The following TAMM41 variants were observed in gnomAD, a reference collection of about 807,000 sequenced individuals.
TAMM41 encodes the protein TAM41 mitochondrial translocator assembly and maintenance homolog.
A neutral mutation model predicts 44.1 loss-of-function variants in TAMM41; 36 were observed. The observed-to-expected ratio is 0.82, with a 90% CI of 0.63 to 1.08. The LOEUF is 1.08. TAMM41 is among the 50% of genes least tolerant of loss of function. The pLI, the probability that TAMM41 is intolerant of heterozygous loss-of-function variation, is 0.00. For missense variants in TAMM41, 417 were observed against 404.3 expected (o/e 1.03, Z -0.27); for synonymous variants, 164 against 153.1 (o/e 1.07, Z -0.53).
At chr3:11,794,038 C>T (rs542490349) in intron 7 of TAMM41, among the ~76,000 whole-genome samples, 1 of 152,294 alleles carries the variant, frequency 6.6e-6, no homozygotes, top group East Asian at 1.9e-4. Flanking sequence ...AAGCAAGACA[C>T]TGAACTAGTT....
chr3:11,780,832 C>T, the TAMM41 span, among the ~76,000 whole-genome samples: 5 of 152,188 alleles, frequency 3.3e-5, no homozygotes, highest in Non-Finnish European at 7.3e-5. Context: ...AGGGCTCCAG[C>T]TCTTGGTATG....
rs1030433617 is a variant in TAMM41, at chr3:11,798,764, A to G, written c.938-8183T>C. On this transcript the variant is annotated intron_variant, in intron 7 of 7. Transcript: ENST00000455809. The stretch of plus-strand genomic sequence containing the variant: ...CAGTCACTCGGTGCCTGTCACTGTT[A>G]GTTTACTCCAGCTGGAGACCTGGGC... Among the ~76,000 whole-genome samples, 6 of 152,310 alleles carry G rather than the reference A, an allele frequency of 3.9e-5. 1 individual carries two copies. The highest frequency in any genetic ancestry group is 2.1e-4 in the South Asian group (1 of 4,826).
chr3:11,769,355 ATTTTT>A, the TAMM41 span, among the ~76,000 whole-genome samples: 23 of 132,884 alleles, frequency 1.7e-4, no homozygotes, highest in African/African-American at 5.4e-4. Flanking sequence ...CTCCCAAGAG[ATTTTT>A]TTTTTTTTTT....
chr3:11,841,505 T>A (rs1178543959), intron 2 of TAMM41, among the ~76,000 whole-genome samples: 1 of 152,178 alleles, frequency 6.6e-6, no homozygotes, highest in African/African-American at 2.4e-5. Context: ...CAAACAGCCT[T>A]CTCAGGCTGC....
At chr3:11,814,739 G>T (rs1349012414) in intron 5 of TAMM41, among the ~76,000 whole-genome samples, 2 of 152,210 alleles carry the variant, frequency 1.3e-5, no homozygotes, top group Non-Finnish European at 2.9e-5. Flanking sequence ...AAGGTGGGAG[G>T]ATGGCTTGAG....
At chr3:11,752,976 T>G in the TAMM41 span, among the ~76,000 whole-genome samples, 1 of 151,428 alleles carries the variant, frequency 6.6e-6, no homozygotes, top group African/African-American at 2.4e-5. Context: ...TATATCACAG[T>G]GGGGGATGTT....
the TAMM41 span, among the ~76,000 whole-genome samples, chr3:11,758,292 A>G: frequency 6.6e-6 from 1 of 152,188 alleles, no homozygotes; most frequent in African/African-American, 2.4e-5. Flanking sequence ...CAATGGAGAC[A>G]TTCCAGGATT....
At chr3:11,791,089 G>C (rs1420816430) in intron 7 of TAMM41, among the ~76,000 whole-genome samples, 1 of 152,184 alleles carries the variant, frequency 6.6e-6, no homozygotes, top group Non-Finnish European at 1.5e-5. Context: ...GGACCCACAG[G>C]GTGGCCCCAC....
chr3:11,767,802 T>C, the TAMM41 span, among the ~76,000 whole-genome samples: 4 of 151,086 alleles, frequency 2.6e-5, no homozygotes, highest in African/African-American at 9.7e-5. Context: ...ATTTTTGAAT[T>C]TTAGTAGAGA....
intron 7 of TAMM41, among the ~76,000 whole-genome samples, chr3:11,795,532 C>T (rs1036703020): frequency 1.3e-5 from 2 of 152,214 alleles, no homozygotes; most frequent in Non-Finnish European, 2.9e-5. Flanking sequence ...GTCTCCCTCG[C>T]AATAGGTTTA....
chr3:11,824,737 G>A (rs1342340352), intron 4 of TAMM41, among the ~76,000 whole-genome samples: 1 of 152,158 alleles, frequency 6.6e-6, no homozygotes, highest in Non-Finnish European at 1.5e-5. Flanking sequence ...ACTATTGGAA[G>A]CATCCAAACA....
chr3:11,777,276 A>T, the TAMM41 span, among the ~76,000 whole-genome samples: 1 of 152,198 alleles, frequency 6.6e-6, no homozygotes, highest in Non-Finnish European at 1.5e-5. Context: ...CTATACTTCA[A>T]TAAAGCCGGA....
At chr3:11,734,553 TAGAA>T in the TAMM41 span, among the ~76,000 whole-genome samples, 2 of 152,096 alleles carry the variant, frequency 1.3e-5, no homozygotes, top group African/African-American at 2.4e-5. Context: ...ACTCCTCTAT[TAGAA>T]AGAATGTTTG....
At chr3:11,736,842 G>A in the TAMM41 span, among the ~76,000 whole-genome samples, 1 of 152,080 alleles carries the variant, frequency 6.6e-6, no homozygotes, top group Non-Finnish European at 1.5e-5. Flanking sequence ...CTGTAGACTT[G>A]GTCTACAGAA....
chr3:11,785,869 T>C (rs2077413750), downstream of TAMM41, among the ~76,000 whole-genome samples: 2 of 152,076 alleles, frequency 1.3e-5, no homozygotes, highest in African/African-American at 4.8e-5. Context: ...TCCACCCACC[T>C]TGGCCTCCCA....
At chr3:11,767,672 C>G in the TAMM41 span, among the ~76,000 whole-genome samples, 1 of 99,302 alleles carries the variant, frequency 1.0e-5, no homozygotes, top group Non-Finnish European at 1.9e-5. Flanking sequence ...TTTGCCCAGG[C>G]TGGAGTGCAG....
chr3:11,834,908 G>A (rs6770066), intron 3 of TAMM41, among the ~76,000 whole-genome samples: 3,035 of 152,096 alleles, frequency 0.02, 86 homozygotes, highest in African/African-American at 0.069. Context: ...GGCTGGTCTC[G>A]AACTCCTGAC....
chr3:11,734,607 A>G, the TAMM41 span, among the ~76,000 whole-genome samples: 1 of 152,174 alleles, frequency 6.6e-6, no homozygotes, highest in African/African-American at 2.4e-5. Context: ...TATTACATGC[A>G]GCTACTCATT....
intron 6 of TAMM41, chr3:11,808,174 T>C: frequency 4.1e-6 from 4 of 984,776 alleles, no homozygotes; most frequent in Non-Finnish European, 5.3e-6. Context: ...ATGGGTTAGC[T>C]GACCCTCAAA....
Sources: allele counts gnomAD v4.1 joint callset (sites outside exome capture counted in the v4.1 genomes callset), GRCh38; gene constraint gnomAD v4.1.1; transcripts MANE v1.5; gene names NCBI Gene and HGNC (gene_info 2026-07-23, HGNC 2026-07-21).